Variants in SIN3B observed in about 807,000 individuals in gnomAD.
The protein encoded by SIN3B is SIN3 transcription regulator family member B.
Under a neutral mutation model 120.2 loss-of-function variants are expected in SIN3B, and 19 were observed. The observed-to-expected ratio is 0.16, with a 90% CI of 0.11 to 0.23. The LOEUF is 0.23. SIN3B is among the 10% of genes least tolerant of loss of function. The probability of loss-of-function intolerance (pLI) is 1.00; values close to 1 mark genes in which losing one functional copy is unlikely to be tolerated. For missense variants in SIN3B, 1,073 were observed against 1,573.0 expected, an observed-to-expected ratio of 0.68 and a Z score of 5.38; for synonymous variants, 654 against 653.2, an observed-to-expected ratio of 1.00 and a Z score of -0.02.
chr19:16,877,906 CGCTGCCAGA>C (rs2051631944), intron 17 of SIN3B, among the ~76,000 whole-genome samples: 1 of 152,164 alleles, frequency 6.6e-6, no homozygotes, highest in African/African-American at 2.4e-5. Context: ...TGGAGGGAGA[CGCTGCCAGA>C]GCTGGTGGGG....
intron 12 of SIN3B, 97 bp downstream of exon 12, chr19:16,866,653 G>T: frequency 8.0e-7 from 1 of 1,245,516 alleles, no homozygotes. Context: ...GTTAGGCAGG[G>T]TAGTGGCATT....
intron 8 of SIN3B, among the ~76,000 whole-genome samples, chr19:16,858,836 G>T (rs549809403): frequency 6.6e-6 from 1 of 152,300 alleles, no homozygotes; most frequent in Admixed American, 6.5e-5. Context: ...TGTAGTCCCA[G>T]CTACTTGGGA....
intron 11 of SIN3B, 76 bp downstream of exon 11, chr19:16,865,724 C>T: frequency 9.9e-7 from 1 of 1,011,330 alleles, no homozygotes; most frequent in Non-Finnish European, 1.5e-6. Flanking sequence ...CCCCTCCCCA[C>T]TGCAGGGAGC....
At chr19:16,830,735 C>T (rs1456428190) in intron 2 of SIN3B, among the ~76,000 whole-genome samples, 1 of 152,234 alleles carries the variant, frequency 6.6e-6, no homozygotes, top group Non-Finnish European at 1.5e-5. Context: ...TTTTCTTACA[C>T]CTTTCCCATT....
rs1251337281 is a variant in SIN3B at position 16,876,686 on chromosome 19, C to T, written c.2859+108C>T. 2 of 828,462 alleles carry T rather than the reference C, an allele frequency of 2.4e-6. No homozygotes were observed. Among genetic ancestry groups the T allele is most frequent in the African/African-American group, 1.7e-5 (1 of 58,210 alleles). 51.3% of individuals were successfully genotyped at this position (828,462 alleles called of 1,614,324 possible). A position where few individuals can be genotyped will look rare whatever the true frequency, so the allele number is the denominator to read the frequency against. On this transcript the variant is annotated intron_variant, in intron 16 of 18. Coordinates refer to ENST00000248054, the MANE Select transcript of SIN3B (RefSeq NM_001297595.2). This position sits in a 1 kb window ranked among gnomAD's most constrained non-coding sequence, Gnocchi z 7.1. Reference sequence around the variant, plus strand: ...AGGCCGCGCAGCATCCAGAGACCCTCCCTCTGCAGGCCACAGGCTCTCCTT... The same window carrying T: ...AGGCCGCGCAGCATCCAGAGACCCTTCCTCTGCAGGCCACAGGCTCTCCTT...
Position 16,829,444 on chromosome 19 carries a change from C to T in SIN3B, c.24C>T (p.Ser8=). 4 of 1,211,570 alleles carry T rather than the reference C, an allele frequency of 3.3e-6. No individual in the cohort carries two copies. Among genetic ancestry groups the T allele is most frequent in the Non-Finnish European group, 3.1e-6 (3 of 974,702 alleles). The allele number at this position is 1,211,570 out of a possible 1,614,324, so 75.1% of individuals were successfully genotyped here. Residue 8 remains serine (S), a synonymous_variant, in exon 1 of 19, where the codon AGC becomes AGT. Coordinates refer to ENST00000248054, the MANE Select transcript of SIN3B (RefSeq NM_001297595.2). The part of the protein sequence containing the change: MAHAGGG[S]GGSGAGGPAG... ...ACATGGCGCACGCTGGCGGTGGCAG[C>T]GGTGGCAGCGGTGCCGGCGGCCCCG...
intron 6 of SIN3B, among the ~76,000 whole-genome samples, chr19:16,852,808 T>G (rs1971562790): frequency 1.3e-5 from 2 of 152,212 alleles, no homozygotes; most frequent in Admixed American, 1.3e-4. Flanking sequence ...GCCTTTCTGA[T>G]GCTGTGGCAC....
At chr19:16,846,106 C>A (rs143255248) in intron 4 of SIN3B, among the ~76,000 whole-genome samples, 1 of 152,184 alleles carries the variant, frequency 6.6e-6, no homozygotes, top group Non-Finnish European at 1.5e-5. Context: ...TCAGTGTGGT[C>A]GTTGTTCTGT....
intron 3 of SIN3B, among the ~76,000 whole-genome samples, chr19:16,840,762 T>G (rs2144582327): frequency 6.6e-6 from 1 of 152,270 alleles, no homozygotes; most frequent in African/African-American, 2.4e-5. Context: ...TCTCACACTG[T>G]TCTGGGCACT....
chr19:16,864,416 C>T (rs1381735599), intron 10 of SIN3B, among the ~76,000 whole-genome samples: 1 of 152,002 alleles, frequency 6.6e-6, no homozygotes, highest in Non-Finnish European at 1.5e-5. Context: ...GCAGCCTTGA[C>T]CTCCCAGGCT....
chr19:16,838,349 C>T lies in SIN3B; in HGVS notation c.382-3419C>T, dbSNP rs148198270. 1.9e-3 allele frequency among the ~76,000 whole-genome samples: 287 copies of T among 152,294 alleles called. 1 individual carries two copies. The highest frequency in any genetic ancestry group is 0.014 in the Middle Eastern group (4 of 294). Reference sequence around the variant, plus strand: ...CCCTGAACCTCCTAATTCTCCTCTCCCCAAGCCCCTGGCAACCATGAGTCT... The same window carrying T: ...CCCTGAACCTCCTAATTCTCCTCTCTCCAAGCCCCTGGCAACCATGAGTCT... On this transcript the variant is annotated intron_variant, in intron 3 of 18. Coordinates refer to ENST00000248054, the MANE Select transcript of SIN3B (RefSeq NM_001297595.2).
rs1309789244 is a variant in SIN3B, at chr19:16,862,483, T to C, written c.1190T>C (p.Ile397Thr). The C allele has an allele frequency of 6.2e-7, 1 of 1,614,132 alleles. No individual in the cohort carries two copies. Residue 397 changes from isoleucine (I) to threonine (T), a missense_variant, in exon 9 of 19, where the codon ATA becomes ACA. Transcript: ENST00000248054. The surrounding 1 kb of genome is among the most constrained non-coding windows in gnomAD (Gnocchi z 4.7). ...ATTGATTATGCATCCTGCAAGCGCATAGGATCCAGCTACCGGGCACTCCCC... is the reference window on the plus strand; with the variant it reads ...ATTGATTATGCATCCTGCAAGCGCACAGGATCCAGCTACCGGGCACTCCCC... ...REIDYASCKR[I>T]GSSYRALPKT...
Position 16,850,056 on chromosome 19 carries a change from C to T in SIN3B, c.727-1356C>T, listed in dbSNP as rs972051119. 2.0e-5 allele frequency among the ~76,000 whole-genome samples: 3 copies of T among 151,670 alleles called. No individual in the cohort carries two copies. The East Asian group carries it at 5.8e-4, about 29-fold the overall frequency. ...AGCCTTGAATTTTGGGTAATTATTC[C>T]CCCCAAATAATTCCCCCCAAAACTC... On this transcript the variant is annotated intron_variant, in intron 5 of 18. Transcript: ENST00000248054.
chr19:16,838,021 G>T (rs1479556065), intron 3 of SIN3B, among the ~76,000 whole-genome samples: 1 of 152,080 alleles, frequency 6.6e-6, no homozygotes, highest in Non-Finnish European at 1.5e-5. Context: ...AACTCTGCCT[G>T]ATGAGGCCAC....
rs1239232205 is a variant in SIN3B, at chr19:16,876,169, A to G, written c.2707A>G (p.Arg903Gly). 6.2e-7 allele frequency: 1 copy of G among 1,613,218 alleles called. No homozygotes were observed. Among genetic ancestry groups the G allele is most frequent in the Non-Finnish European group, 8.5e-7 (1 of 1,179,946 alleles). ...GTCCTCCCGCTGCGTCCGCGCTGCTAGGGAGACCAGCTACCAGTGGAAGGC... is the reference window on the plus strand; with the variant it reads ...GTCCTCCCGCTGCGTCCGCGCTGCTGGGGAGACCAGCTACCAGTGGAAGGC... ...NLSSRCVRAA[R>G]ETSYQWKAER... is the part of the protein sequence containing the mutation. The change falls in exon 15 of 19, where the codon AGG (arginine) becomes GGG (glycine). Residue 903 changes from arginine (R) to glycine (G), a missense_variant. Coordinates refer to ENST00000248054, the MANE Select transcript of SIN3B (RefSeq NM_001297595.2). The surrounding 1 kb of genome is among the most constrained non-coding windows in gnomAD (Gnocchi z 7.1).
At position 16,866,451 on chromosome 19, in the gene SIN3B, G is replaced by C. The variant is rs977845961; in HGVS notation, c.1701G>C (p.Ala567=). 6 of 1,613,702 alleles carry C rather than the reference G, an allele frequency of 3.7e-6. No individual in the cohort carries two copies. In the African/African-American group the frequency reaches 8.0e-5, roughly 22 times the overall value. ...TCTGGCGGGAGCAGTATGAGAAGGC[G>C]TACCTCAAGTCCCTTGACCACCAGG... ...NKIWREQYEK[A]YLKSLDHQAV... The change falls in exon 12 of 19, where the codon GCG becomes GCC. Residue 567 remains alanine (A), a synonymous_variant. Coordinates refer to ENST00000248054, the MANE Select transcript of SIN3B (RefSeq NM_001297595.2).
At chr19:16,851,810 G>A (rs1410306994) in intron 6 of SIN3B, among the ~76,000 whole-genome samples, 1 of 152,244 alleles carries the variant, frequency 6.6e-6, no homozygotes, top group Non-Finnish European at 1.5e-5. Context: ...GTACCACCCA[G>A]TCTCCTTTTC....
At chr19:16,877,804 G>T (rs573015026) in intron 17 of SIN3B, among the ~76,000 whole-genome samples, 165 bp downstream of exon 17, 1 of 152,328 alleles carries the variant, frequency 6.6e-6, no homozygotes, top group East Asian at 1.9e-4. Context: ...GTGGTTTGCA[G>T]TGGAGGGATT....
In SIN3B at chr19:16,869,562, A is replaced by G. The variant is rs914745773; in HGVS notation, c.1909A>G (p.Ile637Val). The G allele has an allele frequency of 2.7e-5, 43 of 1,613,920 alleles. No individual in the cohort carries two copies. The highest frequency in any genetic ancestry group is 3.5e-5 in the Non-Finnish European group (41 of 1,180,036). Residue 637 changes from isoleucine (I) to valine (V), a missense_variant, in exon 13 of 19, where the codon ATC becomes GTC. By Grantham distance (29) the Ile-to-Val change is conservative. Transcript: ENST00000248054. ...GATCCTGGAGGACGCAGCAGCGCTCATCAGCTACTACGTGAAGCGGCAGCC... is the reference window on the plus strand; with the variant it reads ...GATCCTGGAGGACGCAGCAGCGCTCGTCAGCTACTACGTGAAGCGGCAGCC... ...RQILEDAAALISYYVKRQPAI... is the reference protein window; with the variant it reads ...RQILEDAAALVSYYVKRQPAI...
Sources: allele counts gnomAD v4.1 joint callset (sites outside exome capture counted in the v4.1 genomes callset), GRCh38; gene constraint gnomAD v4.1.1; non-coding constraint Gnocchi (gnomAD v3.1); transcripts MANE v1.5; gene names NCBI Gene and HGNC (gene_info 2026-07-23, HGNC 2026-07-21).